The following ZNF611 variants were observed in gnomAD, a reference collection of about 807,000 sequenced individuals.
ZNF611 encodes zinc finger protein 611.
In ZNF611, 6 loss-of-function variants were observed where a neutral mutation model predicts 8.9. That is an observed-to-expected ratio of 0.68 (90% CI 0.37 to 1.34). The LOEUF (loss-of-function observed/expected upper bound fraction) is 1.34. Ranked by LOEUF, ZNF611 falls within the 40% of genes most tolerant of loss-of-function variation. The probability of loss-of-function intolerance (pLI) is 0.02; values close to 1 mark genes in which losing one functional copy is unlikely to be tolerated. For synonymous variants in ZNF611, 262 were observed against 279.7 expected (o/e 0.94, Z 0.63); for missense variants, 874 against 841.3 (o/e 1.04, Z -0.48).
At chr19:52,734,459 A>T (rs1251078872) in intron 1 of ZNF611, among the ~76,000 whole-genome samples, 1 of 149,274 alleles carries the variant, frequency 6.7e-6, no homozygotes. Flanking sequence ...TCCCCAGTGC[A>T]GGTTCAATGA....
At chr19:52,721,198 TGGGCAGCC>T (rs1325753769) in intron 3 of ZNF611, 2 of 143,248 alleles carry the variant, frequency 1.4e-5, no homozygotes, top group Admixed American at 7.1e-5. Flanking sequence ...TTTCCCAGAC[TGGGCAGCC>T]GGGCAGAGAG....
At chr19:52,730,275 T>C (rs1460799157) in intron 1 of ZNF611, among the ~76,000 whole-genome samples, 1 of 150,358 alleles carries the variant, frequency 6.7e-6, no homozygotes, top group Non-Finnish European at 1.5e-5. Context: ...GCCTGTAGTC[T>C]CAGCTACTCG....
At chr19:52,714,177 G>A (rs200500923) in intron 4 of ZNF611, 36 bp from the exon 5 acceptor site, 1 of 1,607,118 alleles carries the variant, frequency 6.2e-7, no homozygotes, top group East Asian at 2.2e-5. Context: ...AAACATTATG[G>A]AGTAATGAGT....
chr19:52,732,996 C>T (rs1161605646), intron 1 of ZNF611, among the ~76,000 whole-genome samples: 2 of 151,872 alleles, frequency 1.3e-5, no homozygotes, highest in African/African-American at 4.8e-5. Flanking sequence ...TTTGTAACAA[C>T]AGACAGTGAC....
chr19:52,734,098 C>T (rs117169408), intron 1 of ZNF611, among the ~76,000 whole-genome samples: 6,413 of 143,316 alleles, frequency 0.045, 306 homozygotes, highest in Admixed American at 0.16. Context: ...GCTGCCACTC[C>T]CCCTACCTTG....
chr19:52,714,212 A>T (rs1477092320), intron 4 of ZNF611, 71 bp from the exon 5 acceptor site: 26 of 1,578,942 alleles, frequency 1.6e-5, no homozygotes, highest in Non-Finnish European at 2.2e-5. Context: ...AAAATGAGAA[A>T]TGAGAAAATA....
rs1160696573 is a variant in ZNF611 at position 52,703,372 on chromosome 19, C to T, written c.*1565G>A. ...TTTTGGTTCACTGCAACTTCTACCT[C>T]CTAGGTTTAAGCAATTCTCATGCCC... On this transcript the variant is annotated 3_prime_UTR_variant, in exon 6 of 6. Transcript: ENST00000652185. The T allele has an allele frequency of 1.3e-5, 2 of 152,168 alleles. No individual in the cohort carries two copies. The highest frequency in any genetic ancestry group is 2.1e-4 in the South Asian group (1 of 4,824). 9.4% of individuals were successfully genotyped at this position (152,168 alleles called of 1,614,324 possible).
At chr19:52,726,576 G>A (rs1320870529) in intron 3 of ZNF611, among the ~76,000 whole-genome samples, 1 of 151,970 alleles carries the variant, frequency 6.6e-6, no homozygotes, top group Non-Finnish European at 1.5e-5. Context: ...CCGCCACGAT[G>A]CCCGGCTACT....
intron 5 of ZNF611, among the ~76,000 whole-genome samples, chr19:52,709,991 A>G (rs182248777): frequency 6.6e-6 from 1 of 152,336 alleles, no homozygotes; most frequent in Admixed American, 6.5e-5. Context: ...CCAGGAGCCA[A>G]TCTAGCTGAC....
At chr19:52,714,237 C>A in intron 4 of ZNF611, 96 bp from the exon 5 acceptor site, 2 of 1,557,034 alleles carry the variant, frequency 1.3e-6, no homozygotes, top group South Asian at 1.2e-5. Flanking sequence ...TTTATTTGAT[C>A]AAAGATTATG....
chr19:52,734,318 T>C (rs779710416), intron 1 of ZNF611, among the ~76,000 whole-genome samples: 1 of 152,092 alleles, frequency 6.6e-6, no homozygotes, highest in African/African-American at 2.4e-5. Context: ...CTCTGTCTCC[T>C]GATTCCTTTG....
chr19:52,713,469 G>A (rs2147425858), intron 5 of ZNF611, among the ~76,000 whole-genome samples: 1 of 152,300 alleles, frequency 6.6e-6, no homozygotes, highest in Non-Finnish European at 1.5e-5. Flanking sequence ...ATGAGGCTGT[G>A]AGCCCGAATG....
At chr19:52,728,462 C>T (rs938478008) in intron 3 of ZNF611, among the ~76,000 whole-genome samples, 3 of 151,914 alleles carry the variant, frequency 2.0e-5, no homozygotes, top group African/African-American at 4.8e-5. Context: ...CACATGTACC[C>T]GAGAGACAGA....
In ZNF611 at chr19:52,705,186, C is replaced by T; in HGVS notation, c.1869G>A (p.Lys623=). The change falls in exon 6 of 6, where the codon AAG becomes AAA. Residue 623 remains lysine (K), a synonymous_variant. Coordinates refer to ENST00000652185, the MANE Select transcript of ZNF611 (RefSeq NM_001161499.2). ...RRLHSGEKPY[K]CNECGNTFRH... is the part of the protein sequence containing the mutation. Reference sequence around the variant, plus strand: ...GGAAGGTATTGCCACACTCATTACACTTGTAAGGTTTCTCACCACTATGAA... The same window carrying T: ...GGAAGGTATTGCCACACTCATTACATTTGTAAGGTTTCTCACCACTATGAA... 1 of 1,614,038 alleles carries T rather than the reference C, an allele frequency of 6.2e-7. No homozygotes were observed. Among genetic ancestry groups the T allele is most frequent in the South Asian group, 1.1e-5 (1 of 91,072 alleles).
At chr19:52,722,736 CT>C (rs892564531) in intron 3 of ZNF611, among the ~76,000 whole-genome samples, 2 of 152,094 alleles carry the variant, frequency 1.3e-5, no homozygotes, top group African/African-American at 4.8e-5. Context: ...GTCCCCCACC[CT>C]TTTTTTCTTT....
At chr19:52,715,987 G>C in intron 3 of ZNF611, 74 bp from the exon 4 acceptor site, 4 of 1,553,744 alleles carry the variant, frequency 2.6e-6, no homozygotes, top group Non-Finnish European at 3.5e-6. Context: ...CACACGAACG[G>C]GGGAGACGTC....
Position 52,706,143 on chromosome 19 carries a change from G to A in ZNF611, c.912C>T (p.Cys304=), listed in dbSNP as rs1600305434. The A allele has an allele frequency of 6.2e-7, 1 of 1,614,008 alleles. No homozygotes were observed. Among genetic ancestry groups the A allele is most frequent in the African/African-American group, 1.3e-5 (1 of 74,998 alleles). ...TTACTCCAGTATGAAGTCTACGATG[G>A]CAGGTAAGGGATGACTCCTGACTGA... is the stretch of plus-strand genomic sequence containing the variant. ...KTFSQESSLT[C]HRRLHTGVKR... The change falls in exon 6 of 6, where the codon TGC becomes TGT. Residue 304 remains cysteine (C), a synonymous_variant. Transcript: ENST00000652185.
At chr19:52,718,524 G>A (rs1338625230) in intron 3 of ZNF611, among the ~76,000 whole-genome samples, 2 of 151,794 alleles carry the variant, frequency 1.3e-5, no homozygotes, top group African/African-American at 2.4e-5. Context: ...TTAAAGGCCC[G>A]GCAGCTGCTC....
chr19:52,713,769 T>A (rs948389932), intron 5 of ZNF611, among the ~76,000 whole-genome samples: 1 of 151,974 alleles, frequency 6.6e-6, no homozygotes, highest in Non-Finnish European at 1.5e-5. Flanking sequence ...CGCATGCCTA[T>A]AATAACAGCT....
Sources: gnomAD v4.1 joint callset for allele counts (sites outside exome capture counted in the v4.1 genomes callset) on GRCh38, gnomAD v4.1.1 for gene constraint, MANE v1.5 for transcripts, NCBI Gene and HGNC (gene_info 2026-07-23, HGNC 2026-07-21) for gene names.